SERGEF: variants seen among roughly 807,000 people sequenced by gnomAD.
The protein encoded by SERGEF is secretion-regulating guanine nucleotide exchange factor.
Under a neutral mutation model 50.0 loss-of-function variants are expected in SERGEF, and 51 were observed. The observed-to-expected ratio is 1.02, with a 90% confidence interval of 0.81 to 1.29. SERGEF has a LOEUF of 1.29. Among genes scored for constraint, SERGEF ranks in the 50% most tolerant of loss-of-function variants. SERGEF has a pLI of 0.00. For missense variants in SERGEF, 521 were observed against 557.0 expected (o/e 0.94, Z 0.65); for synonymous variants, 205 against 212.4 (o/e 0.97, Z 0.30).
At chr11:17,903,859 G>A (rs1423443119) in intron 9 of SERGEF, among the ~76,000 whole-genome samples, 1 of 152,152 alleles carries the variant, frequency 6.6e-6, no homozygotes, top group African/African-American at 2.4e-5. Context: ...GGACAGCCGT[G>A]GAGAAAAAGG....
At chr11:17,934,812 G>C (rs1001598327) in intron 9 of SERGEF, among the ~76,000 whole-genome samples, 1 of 152,140 alleles carries the variant, frequency 6.6e-6, no homozygotes, top group South Asian at 2.1e-4. Flanking sequence ...TTTGAAGAAA[G>C]AAAACTTCAT....
At chr11:17,947,420 G>A (rs1385819341) in intron 9 of SERGEF, among the ~76,000 whole-genome samples, 1 of 152,200 alleles carries the variant, frequency 6.6e-6, no homozygotes, top group African/African-American at 2.4e-5. Context: ...AGAATCATGA[G>A]GAATTAAAAC....
rs746420077 is a variant in SERGEF, at chr11:17,959,526, A to T, written c.955T>A (p.Ser319Thr). The change falls in exon 9 of 11, where the codon TCA becomes ACA. Residue 319 changes from serine (S) to threonine (T), a missense_variant. Coordinates refer to ENST00000265965, the MANE Select transcript of SERGEF (RefSeq NM_012139.4). ...LEKQDSFLPC[S>T]RPPNSMPSSP... ...GAAGGCATGCTGTTCGGTGGTCTTG[A>T]ACAGGGGAGAAATGAATCTTGCTTT... is the stretch of plus-strand genomic sequence containing the variant. The T allele has an allele frequency of 2.5e-6, 4 of 1,614,134 alleles. No individual in the cohort carries two copies. The highest frequency in any genetic ancestry group is 3.4e-6 in the Non-Finnish European group (4 of 1,179,984).
intron 10 of SERGEF, among the ~76,000 whole-genome samples, chr11:17,848,213 A>C (rs780910458): frequency 5.9e-5 from 9 of 152,226 alleles, no homozygotes; most frequent in Admixed American, 1.3e-4. Context: ...CATATGTGTT[A>C]GAGCCAAGTT....
At chr11:17,943,663 C>G (rs1433945405) in intron 9 of SERGEF, among the ~76,000 whole-genome samples, 1 of 152,030 alleles carries the variant, frequency 6.6e-6, no homozygotes, top group Non-Finnish European at 1.5e-5. Context: ...TGAATTTAGT[C>G]CTTTTTCTTT....
intron 10 of SERGEF, chr11:17,877,777 A>G: frequency 6.4e-6 from 1 of 155,512 alleles, no homozygotes; most frequent in East Asian, 1.9e-4. Flanking sequence ...GAGTGCCACT[A>G]AATACAAGGC....
At chr11:17,963,754 C>T (rs1357654493) in intron 8 of SERGEF, among the ~76,000 whole-genome samples, 1 of 152,182 alleles carries the variant, frequency 6.6e-6, no homozygotes, top group South Asian at 2.1e-4. Flanking sequence ...AAAGTATGTA[C>T]ATTAAATTAC....
At chr11:17,790,798 T>C (rs1205620237) in intron 10 of SERGEF, among the ~76,000 whole-genome samples, 4 of 152,170 alleles carry the variant, frequency 2.6e-5, no homozygotes, top group Admixed American at 2.6e-4. Flanking sequence ...AGATCTTACC[T>C]TTAGACTCTT....
intron 10 of SERGEF, among the ~76,000 whole-genome samples, chr11:17,815,329 T>C (rs1056990716): frequency 6.6e-6 from 1 of 151,482 alleles, no homozygotes; most frequent in Admixed American, 6.6e-5. Context: ...CCGGGCATGG[T>C]GGCTCACGCC....
rs1851395473 is a variant in SERGEF at position 17,884,587 on chromosome 11, A to C, written c.1012-6343T>G. 6.6e-6 allele frequency among the ~76,000 whole-genome samples: 1 copy of C among 152,132 alleles called. No individual in the cohort carries two copies. The highest frequency in any genetic ancestry group is 1.5e-5 in the Non-Finnish European group (1 of 68,026). On this transcript the variant is annotated intron_variant, in intron 9 of 10. Transcript: ENST00000265965. This position sits in a 1 kb window ranked among gnomAD's most constrained non-coding sequence, Gnocchi z 4.6. ...ACCAGAGTTCCACCTCTAAGCTCAG[A>C]AATGGTCCCAACTGGGGAAGGCCAT...
intron 8 of SERGEF, among the ~76,000 whole-genome samples, chr11:17,978,417 G>A (rs1473797758): frequency 6.6e-6 from 1 of 152,246 alleles, no homozygotes; most frequent in Non-Finnish European, 1.5e-5. Flanking sequence ...TGCACAGTGT[G>A]ATGGGAAGCC....
chr11:17,832,191 AG>A (rs987864457), intron 10 of SERGEF, among the ~76,000 whole-genome samples: 6 of 152,148 alleles, frequency 3.9e-5, no homozygotes, highest in Non-Finnish European at 5.9e-5. Context: ...ACGTTGTGGG[AG>A]GGACCTGGTG....
At chr11:18,002,024 G>C (rs1251888649) in intron 4 of SERGEF, 1 of 456,280 alleles carries the variant, frequency 2.2e-6, no homozygotes, top group African/African-American at 2.0e-5. Context: ...AGAAAGGGCT[G>C]AGCTTTGGCC....
chr11:17,929,498 G>T (rs778620274), intron 9 of SERGEF, among the ~76,000 whole-genome samples: 4 of 152,154 alleles, frequency 2.6e-5, no homozygotes, highest in Admixed American at 6.5e-5. Flanking sequence ...AAGCTGTTTG[G>T]AACTATGAAT....
In SERGEF at chr11:17,888,037, G is replaced by T. The variant is rs1352438372; in HGVS notation, c.1012-9793C>A. Among the ~76,000 whole-genome samples the T allele has an allele frequency of 1.3e-5, 2 of 152,262 alleles. No individual in the cohort carries two copies. The highest frequency in any genetic ancestry group is 4.8e-5 in the African/African-American group (2 of 41,564). ...GCGGTGGCATTAGATTCTCATATGA[G>T]CACAAACCCTATTGTGAACTCCGCG... is the stretch of plus-strand genomic sequence containing the variant. On this transcript the variant is annotated intron_variant, in intron 9 of 10. Transcript: ENST00000265965. This position sits in a 1 kb window ranked among gnomAD's most constrained non-coding sequence, Gnocchi z 4.1.
chr11:17,920,750 G>A (rs772427403), intron 9 of SERGEF, among the ~76,000 whole-genome samples: 4 of 152,180 alleles, frequency 2.6e-5, no homozygotes, highest in African/African-American at 9.7e-5. Flanking sequence ...ACTTGGCCTG[G>A]AAGGGAGCAG....
intron 9 of SERGEF, among the ~76,000 whole-genome samples, chr11:17,891,018 C>T (rs1261025663): frequency 6.6e-6 from 1 of 152,196 alleles, no homozygotes; most frequent in Non-Finnish European, 1.5e-5. Flanking sequence ...TACCTAGAGG[C>T]ATCTTGTGGT....
At chr11:17,878,888 C>A (rs1294713138) in intron 9 of SERGEF, among the ~76,000 whole-genome samples, 1 of 152,218 alleles carries the variant, frequency 6.6e-6, no homozygotes, top group Non-Finnish European at 1.5e-5. Flanking sequence ...CTCAAAGTAT[C>A]TACTAAGACT....
At chr11:17,995,311 A>G (rs1437522822) in intron 6 of SERGEF, among the ~76,000 whole-genome samples, 1 of 152,194 alleles carries the variant, frequency 6.6e-6, no homozygotes, top group African/African-American at 2.4e-5. Flanking sequence ...GGAACTGGCC[A>G]TGCAAGGCAT....
Sources: gnomAD v4.1 joint callset for allele counts (sites outside exome capture counted in the v4.1 genomes callset) on GRCh38, gnomAD v4.1.1 for gene constraint, Gnocchi (gnomAD v3.1) non-coding constraint, MANE v1.5 for transcripts, NCBI Gene and HGNC (gene_info 2026-07-23, HGNC 2026-07-21) for gene names.